ACP6: variants seen among roughly 807,000 people sequenced by gnomAD.
The protein encoded by ACP6 is lysophosphatidic acid phosphatase type 6.
In ACP6, 48 loss-of-function variants were observed where a neutral mutation model predicts 48.1. The observed-to-expected ratio is 1.00, with a 90% CI of 0.79 to 1.27. The LOEUF is 1.27. Ranked by LOEUF, ACP6 falls within the 50% of genes most tolerant of loss-of-function variation. The pLI is 0.00. For synonymous variants in ACP6, 172 were observed against 204.2 expected, an observed-to-expected ratio of 0.84 and a Z score of 1.34; for missense variants, 485 against 529.1, an observed-to-expected ratio of 0.92 and a Z score of 0.82.
chr1:147,669,101 T>TA (rs1193629089), intron 1 of ACP6, among the ~76,000 whole-genome samples: 11 of 151,846 alleles, frequency 7.2e-5, no homozygotes, highest in Admixed American at 3.9e-4. Flanking sequence ...CATTTTTTTT[T>TA]AAACTATTTG....
chr1:147,656,355 TA>T (rs1660257445), intron 4 of ACP6, among the ~76,000 whole-genome samples: 1 of 152,180 alleles, frequency 6.6e-6, no homozygotes, highest in African/African-American at 2.4e-5. Flanking sequence ...AGTATAATAA[TA>T]AAAGAAGAGG....
intron 4 of ACP6, among the ~76,000 whole-genome samples, chr1:147,655,622 T>C (rs2236572): frequency 0.1 from 15,719 of 152,130 alleles, 1,045 homozygotes; most frequent in East Asian, 0.33. Context: ...TAAATAATAG[T>C]GTTATCAGAA....
chr1:147,661,501 C>T (rs587739767), intron 1 of ACP6, among the ~76,000 whole-genome samples: 11 of 152,234 alleles, frequency 7.2e-5, no homozygotes, highest in Admixed American at 4.6e-4. Context: ...TCCCCCATCT[C>T]TCTCCCTCTC....
In ACP6 at chr1:147,650,171, C is replaced by T. The variant is rs781991270; in HGVS notation, c.949G>A (p.Asp317Asn). ...ILESNLLKAM[D>N]SATAPDKIRK... is the part of the protein sequence containing the mutation. ...ATCTTGTCGGGGGCAGTGGCAGAGT[C>T]CATGGCTTTCAGCAGGTTGCTCTCT... Residue 317 changes from aspartate to asparagine, a missense_variant, in exon 8 of 10, where the codon GAC becomes AAC. Coordinates refer to ENST00000583509, the MANE Select transcript of ACP6 (RefSeq NM_016361.5). The T allele has an allele frequency of 1.6e-5, 26 of 1,607,096 alleles. No homozygotes were observed. The highest frequency in any genetic ancestry group is 2.7e-5 in the African/African-American group (2 of 74,488).
rs1020607352 is a variant in ACP6, at chr1:147,645,697, T to C, written c.*1726A>G. On this transcript the variant is annotated 3_prime_UTR_variant, in exon 10 of 10. Transcript: ENST00000583509. ...TCCATGGAGTGGTGGGGGTGAATACTTAATTGTAGCTGGTTCATGAGAGAA... is the reference window on the plus strand; with the variant it reads ...TCCATGGAGTGGTGGGGGTGAATACCTAATTGTAGCTGGTTCATGAGAGAA... 6.6e-6 allele frequency: 1 copy of C among 152,180 alleles called. No homozygotes were observed. The highest frequency in any genetic ancestry group is 2.4e-5 in the African/African-American group (1 of 41,426). 9.4% of individuals were successfully genotyped at this position (152,180 alleles called of 1,614,324 possible).
chr1:147,654,868 G>A (rs1660160556), intron 5 of ACP6, among the ~76,000 whole-genome samples: 1 of 152,194 alleles, frequency 6.6e-6, no homozygotes, highest in African/African-American at 2.4e-5. Flanking sequence ...GTTGTCAGAA[G>A]GATCATACTT....
intron 5 of ACP6, among the ~76,000 whole-genome samples, chr1:147,635,921 A>G (rs1659287425): frequency 6.6e-6 from 1 of 152,254 alleles, no homozygotes; most frequent in South Asian, 2.1e-4. Context: ...ATGGTTGTCC[A>G]GATAAAAATG....
chr1:147,660,632 T>C (rs782679887), intron 1 of ACP6, among the ~76,000 whole-genome samples: 3 of 152,192 alleles, frequency 2.0e-5, no homozygotes, highest in African/African-American at 7.2e-5. Flanking sequence ...TATCTTATTG[T>C]AGAATGTAAA....
chr1:147,661,315 AT>A (rs34221504), intron 1 of ACP6, among the ~76,000 whole-genome samples: 24 of 148,992 alleles, frequency 1.6e-4, no homozygotes, highest in Non-Finnish European at 1.8e-4. Context: ...TGCCCAGCTA[AT>A]TTTTTTTTTT....
intron 1 of ACP6, among the ~76,000 whole-genome samples, chr1:147,660,596 A>G (rs2148913075): frequency 1.3e-5 from 2 of 152,324 alleles, no homozygotes; most frequent in Middle Eastern, 6.8e-3. Flanking sequence ...GCCTAGAAGA[A>G]AAGTCCCTCC....
At chr1:147,640,840 C>G (rs1659428472), downstream of ACP6, among the ~76,000 whole-genome samples, 1 of 152,168 alleles carries the variant, frequency 6.6e-6, no homozygotes, top group African/African-American at 2.4e-5. Flanking sequence ...TTTTTCAGTT[C>G]TCCCCAGCCA....
chr1:147,665,825 G>A (rs1175489565), intron 1 of ACP6, among the ~76,000 whole-genome samples: 1 of 152,132 alleles, frequency 6.6e-6, no homozygotes, highest in Non-Finnish European at 1.5e-5. Flanking sequence ...AAGAATGGAT[G>A]ATACATCAGT....
intron 8 of ACP6, among the ~76,000 whole-genome samples, chr1:147,649,087 A>G (rs1659776855): frequency 3.3e-5 from 5 of 152,166 alleles, no homozygotes; most frequent in Admixed American, 3.3e-4. Context: ...AGGTACTGTG[A>G]AGGACAGGAA....
At chr1:147,659,614 TG>T in intron 2 of ACP6, 32 bp downstream of exon 2, 1 of 1,613,736 alleles carries the variant, frequency 6.2e-7, no homozygotes, top group Non-Finnish European at 8.5e-7. Flanking sequence ...ACCTTTGCAG[TG>T]GGGCTCCCCA....
chr1:147,663,354 C>T (rs1570979045), intron 1 of ACP6, among the ~76,000 whole-genome samples: 1 of 152,098 alleles, frequency 6.6e-6, no homozygotes, highest in African/African-American at 2.4e-5. Flanking sequence ...TTCAGTTACA[C>T]AGGAAGAATA....
intron 1 of ACP6, among the ~76,000 whole-genome samples, chr1:147,668,813 G>A (rs1416061851): frequency 6.6e-6 from 1 of 152,208 alleles, no homozygotes; most frequent in African/African-American, 2.4e-5. Flanking sequence ...TGCTTTAGAA[G>A]TTTAATTTCA....
chr1:147,639,723 A>G (rs1553208433), downstream of ACP6, among the ~76,000 whole-genome samples: 2 of 152,120 alleles, frequency 1.3e-5, no homozygotes. Context: ...TTCCAAATTA[A>G]TTCTCTGATG....
chr1:147,669,957 A>G lies in ACP6; in HGVS notation c.92T>C (p.Leu31Pro). The G allele has an allele frequency of 6.5e-7, 1 of 1,548,214 alleles. No individual in the cohort carries two copies. Among genetic ancestry groups the G allele is most frequent in the Non-Finnish European group, 8.7e-7 (1 of 1,146,732 alleles). Residue 31 changes from leucine (L) to proline (P), a missense_variant, in exon 1 of 10, where the codon CTG (leucine) becomes CCG (proline). Coordinates refer to ENST00000583509, the MANE Select transcript of ACP6 (RefSeq NM_016361.5). Reference sequence around the variant, plus strand: ...GCCATCGGCCTCCTGCAGCTCGGCCAGGGCCACCCGCCGCTGGTGCAGGCA... The same window carrying G: ...GCCATCGGCCTCCTGCAGCTCGGCCGGGGCCACCCGCCGCTGGTGCAGGCA... ...AYCLHQRRVA[L>P]AELQEADGQC...
chr1:147,635,879 T>C (rs1266911945), intron 5 of ACP6, among the ~76,000 whole-genome samples: 2 of 152,186 alleles, frequency 1.3e-5, no homozygotes, highest in East Asian at 3.8e-4. Context: ...AGAAATGATC[T>C]AGCCCACCTC....
Sources: gnomAD v4.1 joint callset for allele counts (sites outside exome capture counted in the v4.1 genomes callset) on GRCh38, gnomAD v4.1.1 for gene constraint, MANE v1.5 for transcripts, NCBI Gene and HGNC (gene_info 2026-07-23, HGNC 2026-07-21) for gene names.